SND1: variants seen among roughly 807,000 people sequenced by gnomAD.
SND1 encodes the protein staphylococcal nuclease domain-containing protein 1.
A neutral mutation model predicts 121.7 loss-of-function variants in SND1; 38 were observed. The ratio of observed to expected loss-of-function variants is 0.31; its 90% confidence interval spans 0.24 to 0.41. The LOEUF is 0.41. SND1 is among the 10% of genes least tolerant of loss of function. The pLI is 1.00. For missense variants in SND1, 868 were observed against 1,184.6 expected (o/e 0.73, Z 3.92); for synonymous variants, 401 against 447.4 (o/e 0.90, Z 1.31).
chr7:127,686,468 GTTTA>G, intron 1 of SND1, 141 bp from the exon 2 acceptor site: 1 of 822,144 alleles, frequency 1.2e-6, no homozygotes, highest in South Asian at 2.1e-5. Context: ...AAACAATCCT[GTTTA>G]TTTAGTCATT....
chr7:127,727,186 A>G (rs1796596968), intron 10 of SND1, among the ~76,000 whole-genome samples: 1 of 152,230 alleles, frequency 6.6e-6, no homozygotes, highest in South Asian at 2.1e-4. Flanking sequence ...TGAAGCCCCC[A>G]GTGTCCTTGT....
chr7:127,839,431 GT>G (rs1333447102), intron 11 of SND1, among the ~76,000 whole-genome samples: 1 of 152,092 alleles, frequency 6.6e-6, no homozygotes, highest in African/African-American at 2.4e-5. Context: ...CTCTGCAGTT[GT>G]TTTCCTTCCT....
At chr7:128,012,875 A>G (rs1000149046) in intron 16 of SND1, among the ~76,000 whole-genome samples, 1 of 152,134 alleles carries the variant, frequency 6.6e-6, no homozygotes, top group Non-Finnish European at 1.5e-5. Flanking sequence ...GCTAAGCAAT[A>G]CCGAAGCAGA....
At chr7:127,814,889 G>A (rs2116591192) in intron 11 of SND1, among the ~76,000 whole-genome samples, 1 of 152,302 alleles carries the variant, frequency 6.6e-6, no homozygotes, top group South Asian at 2.1e-4. Context: ...GGTGATAGAA[G>A]TGATATTTTA....
At chr7:128,081,769 A>G in intron 18 of SND1, 1 of 631,744 alleles carries the variant, frequency 1.6e-6, no homozygotes, top group Non-Finnish European at 3.1e-6. Context: ...CGCAGGTGAG[A>G]TAACCAGGTT....
chr7:127,996,291 T>C (rs1802655702), intron 16 of SND1, among the ~76,000 whole-genome samples: 1 of 152,226 alleles, frequency 6.6e-6, no homozygotes, highest in Admixed American at 6.5e-5. Flanking sequence ...AAACTTAGAA[T>C]ACAAGAAAAA....
chr7:127,802,518 C>A (rs1019862376), intron 10 of SND1, among the ~76,000 whole-genome samples: 1 of 152,162 alleles, frequency 6.6e-6, no homozygotes, highest in Non-Finnish European at 1.5e-5. Flanking sequence ...CTTGTCCACT[C>A]GTTTTCTTTT....
At chr7:127,872,628 GCACACACACA>G (rs56324746) in intron 12 of SND1, among the ~76,000 whole-genome samples, 7,039 of 139,954 alleles carry the variant, frequency 0.05, 459 homozygotes, top group African/African-American at 0.15. Context: ...TAACACACAC[GCACACACACA>G]CACACACACA....
intron 16 of SND1, among the ~76,000 whole-genome samples, chr7:128,057,432 A>T (rs1793161214): frequency 6.6e-6 from 1 of 152,218 alleles, no homozygotes; most frequent in Non-Finnish European, 1.5e-5. Context: ...TCTTTCTCAT[A>T]GGAAGCCCAG....
chr7:127,771,167 A>G (rs937909834), intron 10 of SND1, among the ~76,000 whole-genome samples: 6 of 152,222 alleles, frequency 3.9e-5, no homozygotes, highest in African/African-American at 1.2e-4. Flanking sequence ...AAACAGAGCT[A>G]GAGGCTGTGT....
intron 14 of SND1, among the ~76,000 whole-genome samples, chr7:127,919,708 A>C (rs1203733916): frequency 2.0e-5 from 3 of 152,162 alleles, no homozygotes; most frequent in Non-Finnish European, 4.4e-5. Flanking sequence ...TTATTGTAGT[A>C]TTCCTATAAA....
At chr7:128,005,267 C>CCCTT (rs1256056788) in intron 16 of SND1, among the ~76,000 whole-genome samples, 1 of 152,216 alleles carries the variant, frequency 6.6e-6, no homozygotes, top group Non-Finnish European at 1.5e-5. Context: ...CCCTCCGTAG[C>CCCTT]CAGCCCTTCA....
rs1363304564 is a variant in SND1 at position 128,081,231 on chromosome 7, C to T, written c.1969-129C>T. On this transcript the variant is annotated intron_variant, in intron 17 of 23. Transcript: ENST00000354725. ...CAGTCTGGTCTTGAACTCCTAACCT[C>T]GTGATCCACCCGCCTCGGCCTCCCA... The T allele has an allele frequency of 1.0e-5, 11 of 1,092,092 alleles. No individual in the cohort carries two copies. The East Asian group carries it at 1.3e-4, about 13-fold the overall frequency. 67.7% of individuals were successfully genotyped at this position (1,092,092 alleles called of 1,614,324 possible).
intron 16 of SND1, among the ~76,000 whole-genome samples, chr7:127,992,871 G>C (rs1218411894): frequency 6.6e-6 from 1 of 152,092 alleles, no homozygotes; most frequent in African/African-American, 2.4e-5. Context: ...TCTTATATTT[G>C]CTAATACCTG....
At chr7:127,761,497 T>A (rs1797305584) in intron 10 of SND1, among the ~76,000 whole-genome samples, 1 of 152,204 alleles carries the variant, frequency 6.6e-6, no homozygotes, top group Non-Finnish European at 1.5e-5. Flanking sequence ...AAAATGAATA[T>A]GATGAGTATA....
At chr7:127,710,344 A>T (rs953112434) in intron 9 of SND1, among the ~76,000 whole-genome samples, 2 of 151,876 alleles carry the variant, frequency 1.3e-5, no homozygotes, top group African/African-American at 4.8e-5. Flanking sequence ...ATGATCTCTG[A>T]TCTATACCAG....
chr7:127,945,415 C>G (rs1160993842), intron 15 of SND1, among the ~76,000 whole-genome samples: 1 of 151,980 alleles, frequency 6.6e-6, no homozygotes, highest in Non-Finnish European at 1.5e-5. Flanking sequence ...GGCGTGAACC[C>G]AGGAGGCGGA....
intron 10 of SND1, among the ~76,000 whole-genome samples, chr7:127,728,783 G>C (rs987658385): frequency 1.3e-5 from 2 of 152,148 alleles, no homozygotes; most frequent in African/African-American, 2.4e-5. Flanking sequence ...TCCATATATT[G>C]CTTGTGAGTG....
intron 15 of SND1, among the ~76,000 whole-genome samples, chr7:127,960,653 G>A (rs1801710627): frequency 6.6e-6 from 1 of 152,196 alleles, no homozygotes. Context: ...CAGTAGCTGA[G>A]AAAATAGACA....
Sources: allele counts gnomAD v4.1 joint callset (sites outside exome capture counted in the v4.1 genomes callset), GRCh38; gene constraint gnomAD v4.1.1; transcripts MANE v1.5; gene names NCBI Gene and HGNC (gene_info 2026-07-23, HGNC 2026-07-21).